GRXCR1: variants seen among roughly 807,000 people sequenced by gnomAD.
The protein encoded by GRXCR1 is glutaredoxin domain-containing cysteine-rich protein 1.
Under a neutral mutation model 27.3 loss-of-function variants are expected in GRXCR1, and 27 were observed. That is an observed-to-expected ratio of 0.99 (90% CI 0.73 to 1.37). The LOEUF is 1.37. Among genes scored for constraint, GRXCR1 ranks in the 40% most tolerant of loss-of-function variants. GRXCR1 has a pLI of 0.00. For synonymous variants in GRXCR1, 122 were observed against 131.1 expected, an observed-to-expected ratio of 0.93 and a Z score of 0.47; for missense variants, 379 against 354.4, an observed-to-expected ratio of 1.07 and a Z score of -0.56.
intron 1 of GRXCR1, among the ~76,000 whole-genome samples, chr4:42,903,308 ATTTTTTTTTTT>A (rs35512711): frequency 0.01 from 649 of 63,238 alleles, 34 homozygotes; most frequent in African/African-American, 0.033. Context: ...AGCTTTGTAG[ATTTTTTTTTTT>A]TTTTTTTTTT....
intron 2 of GRXCR1, among the ~76,000 whole-genome samples, chr4:42,975,552 C>G (rs529252361): frequency 6.6e-6 from 1 of 152,108 alleles, no homozygotes; most frequent in Non-Finnish European, 1.5e-5. Flanking sequence ...TAACAGATGT[C>G]TCTTCCAGCA....
intron 1 of GRXCR1, among the ~76,000 whole-genome samples, chr4:42,935,373 G>T (rs1407481354): frequency 6.6e-6 from 1 of 151,856 alleles, no homozygotes; most frequent in African/African-American, 2.4e-5. Flanking sequence ...ATTGGATGTT[G>T]TGCACTAAGT....
chr4:42,971,812 C>G (rs1240070912), intron 2 of GRXCR1, among the ~76,000 whole-genome samples: 3 of 152,062 alleles, frequency 2.0e-5, no homozygotes, highest in Non-Finnish European at 4.4e-5. Flanking sequence ...TGCTCAAAGA[C>G]AGCTAGAAAG....
chr4:42,900,424 T>C (rs1293706821), intron 1 of GRXCR1, among the ~76,000 whole-genome samples: 2 of 152,202 alleles, frequency 1.3e-5, no homozygotes, highest in East Asian at 3.9e-4. Flanking sequence ...CTCTTTTACA[T>C]AGCAAATAAA....
intron 3 of GRXCR1, among the ~76,000 whole-genome samples, chr4:43,026,392 A>C (rs528014337): frequency 2.0e-5 from 3 of 152,094 alleles, no homozygotes; most frequent in Non-Finnish European, 4.4e-5. Flanking sequence ...AATAGCATAA[A>C]TTGTGCTGGA....
chr4:42,965,961 C>A (rs1314764130), intron 2 of GRXCR1, among the ~76,000 whole-genome samples: 2 of 151,854 alleles, frequency 1.3e-5, no homozygotes, highest in Non-Finnish European at 2.9e-5. Flanking sequence ...AGAAGAATTA[C>A]AAGGACACTA....
rs139388714 is a variant in GRXCR1, at chr4:43,025,646, G to A, written c.694-4715G>A. On this transcript the variant is annotated intron_variant, in intron 3 of 3. Coordinates refer to ENST00000399770, the MANE Select transcript of GRXCR1 (RefSeq NM_001080476.3). ...CTGCCTGGATTCTTAATTGCTTGCA[G>A]GTCAACGTTTCCGCAGCAGTCAATC... 5.9e-3 allele frequency among the ~76,000 whole-genome samples: 892 copies of A among 152,330 alleles called. 7 individuals carry two copies. Among genetic ancestry groups the A allele is most frequent in the Non-Finnish European group, 7.5e-3 (508 of 68,024 alleles).
intron 2 of GRXCR1, among the ~76,000 whole-genome samples, chr4:42,968,265 A>G (rs1414677597): frequency 6.6e-6 from 1 of 152,128 alleles, no homozygotes; most frequent in African/African-American, 2.4e-5. Context: ...TATTTTCTAC[A>G]TCTCTGAGAT....
At chr4:42,914,665 A>C (rs549191527) in intron 1 of GRXCR1, among the ~76,000 whole-genome samples, 2 of 152,086 alleles carry the variant, frequency 1.3e-5, no homozygotes, top group Admixed American at 6.5e-5. Flanking sequence ...TGAGGACATG[A>C]GATTTGGGAG....
chr4:43,027,582 C>T (rs1713295922), intron 3 of GRXCR1, among the ~76,000 whole-genome samples: 1 of 152,122 alleles, frequency 6.6e-6, no homozygotes, highest in African/African-American at 2.4e-5. Flanking sequence ...TCTGAAGTGC[C>T]ACACATAGAC....
intron 2 of GRXCR1, among the ~76,000 whole-genome samples, chr4:42,990,005 A>C (rs1365128819): frequency 6.6e-6 from 1 of 151,864 alleles, no homozygotes; most frequent in Non-Finnish European, 1.5e-5. Flanking sequence ...AGTTGCTTGA[A>C]AAACTTTAAT....
chr4:42,916,457 C>T (rs1251546602), intron 1 of GRXCR1, among the ~76,000 whole-genome samples: 3 of 152,142 alleles, frequency 2.0e-5, no homozygotes, highest in Non-Finnish European at 2.9e-5. Context: ...TCGCCTTAAC[C>T]TTTTGTTGTT....
At chr4:42,963,983 G>T (rs1577922992) in intron 2 of GRXCR1, among the ~76,000 whole-genome samples, 2 of 151,916 alleles carry the variant, frequency 1.3e-5, no homozygotes, top group South Asian at 4.1e-4. Flanking sequence ...ATCTAGAACA[G>T]GAGATGCTCA....
chr4:43,005,886 T>C (rs557264027), intron 2 of GRXCR1, among the ~76,000 whole-genome samples: 3 of 152,344 alleles, frequency 2.0e-5, no homozygotes, highest in South Asian at 2.1e-4. Context: ...GCACCAGTTA[T>C]ACAGTGTTGA....
At chr4:43,004,715 C>T (rs1420117259) in intron 2 of GRXCR1, among the ~76,000 whole-genome samples, 1 of 152,098 alleles carries the variant, frequency 6.6e-6, no homozygotes, top group Non-Finnish European at 1.5e-5. Flanking sequence ...TTTGTTTTGG[C>T]CAAAGTCTCC....
intron 1 of GRXCR1, among the ~76,000 whole-genome samples, chr4:42,917,374 A>G (rs982657396): frequency 5.3e-5 from 8 of 152,160 alleles, no homozygotes; most frequent in African/African-American, 1.7e-4. Flanking sequence ...CAGCTGATGA[A>G]TGAAATTGTT....
chr4:42,941,339 G>C (rs1178743226), intron 1 of GRXCR1, among the ~76,000 whole-genome samples: 1 of 151,994 alleles, frequency 6.6e-6, no homozygotes, highest in African/African-American at 2.4e-5. Context: ...AAACTCTCTA[G>C]GTCAGGAATT....
chr4:42,929,631 T>A (rs1455769111), intron 1 of GRXCR1, among the ~76,000 whole-genome samples: 1 of 151,784 alleles, frequency 6.6e-6, no homozygotes, highest in African/African-American at 2.4e-5. Context: ...TTTGAGAAGG[T>A]GGAAGACGGA....
At chr4:42,987,113 G>A (rs546494665) in intron 2 of GRXCR1, among the ~76,000 whole-genome samples, 1 of 147,702 alleles carries the variant, frequency 6.8e-6, no homozygotes, top group East Asian at 2.0e-4. Context: ...CTAAGTTAAT[G>A]GTGAAAAAAA....
Sources: gnomAD v4.1 joint callset for allele counts (sites outside exome capture counted in the v4.1 genomes callset) on GRCh38, gnomAD v4.1.1 for gene constraint, MANE v1.5 for transcripts, NCBI Gene and HGNC (gene_info 2026-07-23, HGNC 2026-07-21) for gene names.